Variants in SAMD8 observed in about 807,000 individuals in gnomAD.
The protein encoded by SAMD8 is sterile alpha motif domain containing 8.
Under a neutral mutation model 42.0 loss-of-function variants are expected in SAMD8, and 20 were observed. That is an observed-to-expected ratio of 0.48 (90% CI 0.34 to 0.69). The LOEUF (loss-of-function observed/expected upper bound fraction) is 0.69, where lower values mean the gene tolerates loss of function less well. SAMD8 is among the 30% of genes least tolerant of loss of function. SAMD8 has a pLI of 0.01. For missense variants in SAMD8, 328 were observed against 511.6 expected (o/e 0.64, Z 3.46); for synonymous variants, 162 against 173.0 (o/e 0.94, Z 0.50).
At chr10:75,111,455 A>G, upstream of SAMD8, 1 of 1,187,894 alleles carries the variant, frequency 8.4e-7, no homozygotes, top group East Asian at 3.3e-5. Flanking sequence ...CTGCCGGTAG[A>G]ACCCCGTCCC....
intron 1 of SAMD8, chr10:75,101,851 A>C: frequency 1.5e-6 from 2 of 1,362,690 alleles, no homozygotes; most frequent in Non-Finnish European, 2.0e-6. Context: ...CCCCCAAATT[A>C]GGAGCACTCA....
upstream of SAMD8, chr10:75,109,234 T>C: frequency 2.1e-6 from 3 of 1,446,378 alleles, no homozygotes; most frequent in Non-Finnish European, 2.7e-6. Context: ...TTCCCAGAGA[T>C]TGACAGGGAC....
chr10:75,156,367 C>T (rs1016030057), intron 2 of SAMD8, among the ~76,000 whole-genome samples: 1 of 152,152 alleles, frequency 6.6e-6, no homozygotes, highest in African/African-American at 2.4e-5. Context: ...CATGATTATT[C>T]TGCCTCCTCC....
At chr10:75,175,920 G>A (rs903407136) in intron 4 of SAMD8, 146 bp from the exon 5 acceptor site, 2 of 1,462,526 alleles carry the variant, frequency 1.4e-6, no homozygotes, top group Non-Finnish European at 1.8e-6. Context: ...AAGTCTGGCT[G>A]GAATTCATTA....
Position 75,150,551 on chromosome 10 carries a change from G to C in SAMD8, c.23G>C (p.Cys8Ser), listed in dbSNP as rs748500839. 6.2e-7 allele frequency: 1 copy of C among 1,613,510 alleles called. No homozygotes were observed. Among genetic ancestry groups the C allele is most frequent in the Admixed American group, 1.7e-5 (1 of 59,940 alleles). Residue 8 changes from cysteine (C) to serine (S), a missense_variant, in exon 2 of 6, where the codon TGC becomes TCC. By Grantham distance (112) the Cys-to-Ser change is moderately radical. Around this residue, in one of 2 missense-constraint regions of SAMD8, gnomAD observed 150 missense variants for 186.0 expected, o/e 0.81. Transcript: ENST00000542569. ...GAAATGGCAGGTCCTAATCAACTCTGCATTCGCCGCTGGACTACCAAGCAT... is the reference window on the plus strand; with the variant it reads ...GAAATGGCAGGTCCTAATCAACTCTCCATTCGCCGCTGGACTACCAAGCAT... MAGPNQLCIRRWTTKHVA... is the reference protein window; with the variant it reads MAGPNQLSIRRWTTKHVA...
chr10:75,111,564 C>G, upstream of SAMD8: 1 of 1,248,652 alleles, frequency 8.0e-7, no homozygotes, highest in Non-Finnish European at 1.0e-6. Context: ...TGCGCGCAGT[C>G]GCCACCGCCC....
chr10:75,176,006 G>T lies in SAMD8; in HGVS notation c.793-60G>T. On this transcript the variant is annotated intron_variant, in intron 4 of 5. Transcript: ENST00000542569. This position sits in a 1 kb window ranked among gnomAD's most constrained non-coding sequence, Gnocchi z 4.3. ...CATTTGAATTTCAATAGGAATGGAT[G>T]TTGGGAAGTTCCCACCTCCCTAAGC... The T allele has an allele frequency of 6.4e-7, 1 of 1,564,022 alleles. No homozygotes were observed. The highest frequency in any genetic ancestry group is 8.6e-7 in the Non-Finnish European group (1 of 1,156,860).
intron 1 of SAMD8, among the ~76,000 whole-genome samples, chr10:75,136,748 A>G (rs1839895288): frequency 6.6e-6 from 1 of 152,208 alleles, no homozygotes; most frequent in Admixed American, 6.5e-5. Context: ...AAACCCAGTA[A>G]AAACATAGGC....
chr10:75,168,544 A>G lies in SAMD8; in HGVS notation c.678A>G (p.Ser226=), dbSNP rs775783523. The G allele has an allele frequency of 1.9e-6, 3 of 1,612,998 alleles. No homozygotes were observed. The African/African-American group carries it at 4.0e-5, about 22-fold the overall frequency. ...CTTTTTGGTTGATCTGTTACAGGTCAATACTTCTGCGAAGGCTCTGTAGTC... is the reference window on the plus strand; with the variant it reads ...CTTTTTGGTTGATCTGTTACAGGTCGATACTTCTGCGAAGGCTCTGTAGTC... ...LLVLLLHKHR[S]ILLRRLCSLM... is the part of the protein sequence containing the mutation. Residue 226 remains serine, a synonymous_variant, in exon 4 of 6, where the codon TCA becomes TCG. Transcript: ENST00000542569.
intron 1 of SAMD8, among the ~76,000 whole-genome samples, chr10:75,124,832 G>C (rs1342025575): frequency 3.3e-5 from 5 of 150,706 alleles, no homozygotes; most frequent in African/African-American, 1.2e-4. Flanking sequence ...CCTAAGATGG[G>C]GTCTCACTCT....
rs1840634491 is a variant in SAMD8, at chr10:75,164,671, C to G, written c.605C>G (p.Ala202Gly). The G allele has an allele frequency of 6.2e-7, 1 of 1,613,956 alleles. No homozygotes were observed. Among genetic ancestry groups the G allele is most frequent in the Non-Finnish European group, 8.5e-7 (1 of 1,179,994 alleles). Reference sequence around the variant, plus strand: ...GTTCCTAGAATCCCATGGGCCTTTGCCATGACGGAAGTATGTGGCATGATT... The same window carrying G: ...GTTCCTAGAATCCCATGGGCCTTTGGCATGACGGAAGTATGTGGCATGATT... ...DSVPRIPWAF[A>G]MTEVCGMILC... Residue 202 changes from alanine to glycine, a missense_variant, in exon 3 of 6, where the codon GCC (alanine) becomes GGC (glycine). Physicochemically the swap from Ala to Gly is moderately conservative, Grantham distance 60. Coordinates refer to ENST00000542569, the MANE Select transcript of SAMD8 (RefSeq NM_001174156.2).
At chr10:75,171,927 G>A (rs1408207373) in intron 4 of SAMD8, among the ~76,000 whole-genome samples, 1 of 151,820 alleles carries the variant, frequency 6.6e-6, no homozygotes, top group Non-Finnish European at 1.5e-5. Flanking sequence ...TCGGGAGGCT[G>A]AGGCAGAAGA....
At chr10:75,148,063 A>G (rs892378624) in intron 1 of SAMD8, among the ~76,000 whole-genome samples, 1 of 152,176 alleles carries the variant, frequency 6.6e-6, no homozygotes, top group Non-Finnish European at 1.5e-5. Context: ...CAGGGAAACT[A>G]TGTGGGTCAA....
In SAMD8 at chr10:75,179,166, AC is replaced by A. The variant is rs1841040370; in HGVS notation, c.*2476del. ...AGACCAGCCTGGGCAACAAAGTGAG[AC>A]CTCATCCCCACAAAAAGTTGTTTAG... On this transcript the variant is annotated 3_prime_UTR_variant, in exon 6 of 6. Transcript: ENST00000542569. The A allele has an allele frequency of 6.6e-6, 1 of 152,136 alleles. No individual in the cohort carries two copies. The highest frequency in any genetic ancestry group is 2.4e-5 in the African/African-American group (1 of 41,406). 9.4% of individuals were successfully genotyped at this position (152,136 alleles called of 1,614,324 possible). A position where few individuals can be genotyped will look rare whatever the true frequency, so the allele number is the denominator to read the frequency against.
chr10:75,149,456 A>G (rs991081632), intron 1 of SAMD8, among the ~76,000 whole-genome samples: 1 of 152,222 alleles, frequency 6.6e-6, no homozygotes, highest in African/African-American at 2.4e-5. Flanking sequence ...TGATAGTTTA[A>G]GAATAAAATG....
chr10:75,148,131 G>C (rs1315810541), intron 1 of SAMD8, among the ~76,000 whole-genome samples: 1 of 151,998 alleles, frequency 6.6e-6, no homozygotes, highest in East Asian at 1.9e-4. Context: ...AATTACGATT[G>C]CTTTTAGTAA....
upstream of SAMD8, chr10:75,107,969 T>C (rs768033951): frequency 9.4e-6 from 15 of 1,596,876 alleles, no homozygotes; most frequent in African/African-American, 2.7e-5. Flanking sequence ...AGATGGGATA[T>C]GGGCTTGGAC....
At chr10:75,108,904 G>C, upstream of SAMD8, 1 of 1,442,948 alleles carries the variant, frequency 6.9e-7, no homozygotes, top group South Asian at 1.4e-5. Flanking sequence ...GATGGTCAGA[G>C]CAGAGCTATT....
intron 2 of SAMD8, 105 bp downstream of exon 2, chr10:75,151,211 T>A: frequency 1.8e-6 from 1 of 561,786 alleles, no homozygotes; most frequent in Non-Finnish European, 2.9e-6. Context: ...GGTAGATGTA[T>A]ACTTTCCATT....
Sources: gnomAD v4.1 joint callset for allele counts (sites outside exome capture counted in the v4.1 genomes callset) on GRCh38, gnomAD v4.1.1 for gene constraint, gnomAD v4.1.1 regional missense constraint, Gnocchi (gnomAD v3.1) non-coding constraint, MANE v1.5 for transcripts, NCBI Gene and HGNC (gene_info 2026-07-23, HGNC 2026-07-21) for gene names.